GLRX3: variants seen among roughly 807,000 people sequenced by gnomAD.
GLRX3 encodes the protein glutaredoxin 3, also known as glutaredoxin-3.
A neutral mutation model predicts 49.5 loss-of-function variants in GLRX3; 22 were observed. That is an observed-to-expected ratio of 0.44 (90% CI 0.32 to 0.63). GLRX3 has a LOEUF of 0.63. Ranked by LOEUF, GLRX3 falls within the 30% of genes least tolerant of loss-of-function variation. GLRX3 has a pLI of 0.05. For synonymous variants in GLRX3, 133 were observed against 140.0 expected, an observed-to-expected ratio of 0.95 and a Z score of 0.35; for missense variants, 385 against 396.3, an observed-to-expected ratio of 0.97 and a Z score of 0.24.
At chr10:130,153,308 T>G (rs1172994751) in intron 2 of GLRX3, among the ~76,000 whole-genome samples, 1 of 152,248 alleles carries the variant, frequency 6.6e-6, no homozygotes, top group Non-Finnish European at 1.5e-5. Flanking sequence ...GTCAACTTGT[T>G]GAACTCATTC....
At chr10:130,161,465 C>T (rs965865326) in intron 4 of GLRX3, among the ~76,000 whole-genome samples, 2 of 152,196 alleles carry the variant, frequency 1.3e-5, no homozygotes, top group Admixed American at 6.5e-5. Context: ...GTTTTTGTGT[C>T]CAGCCTGTGT....
At chr10:130,178,627 G>T (rs1005803831) in intron 10 of GLRX3, among the ~76,000 whole-genome samples, 5 of 152,068 alleles carry the variant, frequency 3.3e-5, no homozygotes, top group Non-Finnish European at 5.9e-5. Context: ...TTAAATAGGG[G>T]CTTCATTGGC....
chr10:130,172,402 G>C (rs1016374), intron 8 of GLRX3, among the ~76,000 whole-genome samples: 32,812 of 152,126 alleles, frequency 0.22, 3,876 homozygotes, highest in South Asian at 0.3. Flanking sequence ...GAAGCTGTCA[G>C]GTAAGAACAT....
chr10:130,145,220 TGTG>T lies in GLRX3; in HGVS notation c.105_107del (p.Val36del), dbSNP rs1398616637. 2 of 1,400,732 alleles carry T rather than the reference TGTG, an allele frequency of 1.4e-6. No homozygotes were observed. The highest frequency in any genetic ancestry group is 1.7e-5 in the Admixed American group (1 of 57,346). The allele number at this position is 1,400,732 out of a possible 1,614,324, so 86.8% of individuals were successfully genotyped here. ...TTTAATTGATTTACAGGTCCCTCCT[TGTG>T]GTCCATTTCTGGGCACCATGGGCTC... On this transcript the variant is annotated inframe_deletion, in exon 2 of 11. Coordinates refer to ENST00000331244, the MANE Select transcript of GLRX3 (RefSeq NM_006541.5).
chr10:130,175,534 C>A (rs1862900233), intron 10 of GLRX3, among the ~76,000 whole-genome samples: 1 of 152,122 alleles, frequency 6.6e-6, no homozygotes, highest in South Asian at 2.1e-4. Context: ...AAATGTAGGT[C>A]CTTTTTGGTT....
intron 6 of GLRX3, among the ~76,000 whole-genome samples, chr10:130,168,750 A>G (rs1207077642): frequency 6.6e-6 from 1 of 152,092 alleles, no homozygotes; most frequent in African/African-American, 2.4e-5. Context: ...CCCAACCTCT[A>G]AGGAGATTTT....
intron 10 of GLRX3, among the ~76,000 whole-genome samples, chr10:130,177,104 T>C (rs1298413224): frequency 1.3e-5 from 2 of 152,242 alleles, no homozygotes; most frequent in Admixed American, 1.3e-4. Flanking sequence ...GATCCCATTT[T>C]GATCTGTTTC....
At chr10:130,165,249 A>C (rs992735187) in intron 4 of GLRX3, among the ~76,000 whole-genome samples, 10 of 152,218 alleles carry the variant, frequency 6.6e-5, no homozygotes, top group African/African-American at 2.2e-4. Context: ...AAGAAGAATG[A>C]GGCGTGAAAG....
At chr10:130,158,043 T>C (rs1241824780) in intron 2 of GLRX3, among the ~76,000 whole-genome samples, 1 of 152,192 alleles carries the variant, frequency 6.6e-6, no homozygotes, top group Non-Finnish European at 1.5e-5. Flanking sequence ...AAGATTTGTC[T>C]GTTACCATTG....
Position 130,171,778 on chromosome 10 carries a change from C to A in GLRX3, c.824+142C>A, listed in dbSNP as rs1342190570. 13 of 627,836 alleles carry A rather than the reference C, an allele frequency of 2.1e-5. No homozygotes were observed. In the East Asian group the frequency reaches 3.6e-4, roughly 17 times the overall value. The allele number at this position is 627,836 out of a possible 1,614,324, so 38.9% of individuals were successfully genotyped here. A position where few individuals can be genotyped will look rare whatever the true frequency, so the allele number is the denominator to read the frequency against. On this transcript the variant is annotated intron_variant, in intron 8 of 10. Coordinates refer to ENST00000331244, the MANE Select transcript of GLRX3 (RefSeq NM_006541.5). ...CCCAGGTGTTCGAGACCAGCCTGGACAACATAGTGAGACCCCATCGCCACA... is the reference window on the plus strand; with the variant it reads ...CCCAGGTGTTCGAGACCAGCCTGGAAAACATAGTGAGACCCCATCGCCACA...
chr10:130,177,556 TAG>T (rs1469211129), intron 10 of GLRX3, among the ~76,000 whole-genome samples: 1 of 152,130 alleles, frequency 6.6e-6, no homozygotes, highest in Non-Finnish European at 1.5e-5. Flanking sequence ...AACAGAGACA[TAG>T]AGAGGTCAGG....
chr10:130,145,683 T>TA (rs1355379704), intron 2 of GLRX3, among the ~76,000 whole-genome samples: 1 of 151,982 alleles, frequency 6.6e-6, no homozygotes, highest in Non-Finnish European at 1.5e-5. Flanking sequence ...ATAAATAAAA[T>TA]AAAAAATTAG....
chr10:130,136,593 G>A, intron 1 of GLRX3, 81 bp downstream of exon 1: 1 of 1,232,524 alleles, frequency 8.1e-7, no homozygotes, highest in Middle Eastern at 3.1e-4. Flanking sequence ...GGCGGCGGGT[G>A]GCCCAGCCTG....
rs543284425 is a variant in GLRX3 at position 130,160,477 on chromosome 10, T to C, written c.277-319T>C. Among the ~76,000 whole-genome samples the C allele has an allele frequency of 2.0e-5, 3 of 152,338 alleles. No individual in the cohort carries two copies. The East Asian group carries it at 5.8e-4, about 29-fold the overall frequency. On this transcript the variant is annotated intron_variant, in intron 3 of 10. Transcript: ENST00000331244. The stretch of plus-strand genomic sequence containing the variant: ...GCACACCTGTGCTTCCAGGCACCCA[T>C]GGGTGTCATCGTAGTTCCCCAAATA...
At position 130,136,405 on chromosome 10, in the gene GLRX3, G is replaced by A; in HGVS notation, c.-16G>A. 1 of 1,251,098 alleles carries A rather than the reference G, an allele frequency of 8.0e-7. No individual in the cohort carries two copies. The highest frequency in any genetic ancestry group is 1.0e-6 in the Non-Finnish European group (1 of 992,090). 77.5% of individuals were successfully genotyped at this position (1,251,098 alleles called of 1,614,324 possible). A position where few individuals can be genotyped will look rare whatever the true frequency, so the allele number is the denominator to read the frequency against. ...CGGCCGCCGGCACTGGATTGCTTCTGTCTGGCGGCGGCAGCATGGCGGCGG... is the reference window on the plus strand; with the variant it reads ...CGGCCGCCGGCACTGGATTGCTTCTATCTGGCGGCGGCAGCATGGCGGCGG... On this transcript the variant is annotated 5_prime_UTR_variant, in exon 1 of 11. Transcript: ENST00000331244.
At chr10:130,174,930 A>G in intron 9 of GLRX3, 24 bp downstream of exon 9, 1 of 1,589,014 alleles carries the variant, frequency 6.3e-7, no homozygotes. Flanking sequence ...TTGATGTTTC[A>G]CCCTTGTCTT....
At chr10:130,171,875 A>C (rs1484732334) in intron 8 of GLRX3, among the ~76,000 whole-genome samples, 1 of 152,120 alleles carries the variant, frequency 6.6e-6, no homozygotes, top group African/African-American at 2.4e-5. Context: ...CTGAGGTGGG[A>C]GGATCACTGG....
At chr10:130,169,539 A>T in intron 7 of GLRX3, 49 bp downstream of exon 7, 6 of 1,147,576 alleles carry the variant, frequency 5.2e-6, no homozygotes, top group Non-Finnish European at 7.9e-6. Context: ...TGATGTTAAC[A>T]TCTGCAACAA....
chr10:130,166,739 A>G, intron 5 of GLRX3, 60 bp downstream of exon 5: 2 of 1,210,894 alleles, frequency 1.7e-6, no homozygotes, highest in Non-Finnish European at 2.4e-6. Context: ...ACTTTTTAAA[A>G]TGTTGTGATA....
Sources: gnomAD v4.1 joint callset for allele counts (sites outside exome capture counted in the v4.1 genomes callset) on GRCh38, gnomAD v4.1.1 for gene constraint, MANE v1.5 for transcripts, NCBI Gene and HGNC (gene_info 2026-07-23, HGNC 2026-07-21) for gene names.